The following CPA6 variants were observed in gnomAD, a reference collection of about 807,000 sequenced individuals.
CPA6 encodes carboxypeptidase B.
CPA6 carries 58 observed loss-of-function variants against 63.3 expected under a neutral mutation model. That is an observed-to-expected ratio of 0.92 (90% confidence interval 0.74 to 1.14). The LOEUF (loss-of-function observed/expected upper bound fraction) is 1.14. CPA6 is among the 50% of genes most tolerant of loss of function. The pLI is 0.00. For missense variants in CPA6, 565 were observed against 526.6 expected (o/e 1.07, Z -0.71); for synonymous variants, 185 against 179.0 (o/e 1.03, Z -0.27).
intron 1 of CPA6, among the ~76,000 whole-genome samples, chr8:67,635,827 G>A (rs1815456520): frequency 6.6e-6 from 1 of 151,600 alleles, no homozygotes; most frequent in African/African-American, 2.4e-5. Flanking sequence ...ATTGGTATAA[G>A]CCACACATGT....
intron 2 of CPA6, among the ~76,000 whole-genome samples, chr8:67,603,722 T>C (rs1814554484): frequency 1.3e-5 from 2 of 152,218 alleles, no homozygotes; most frequent in African/African-American, 4.8e-5. Context: ...ATTTTTCCCA[T>C]CTACCTTCCT....
intron 8 of CPA6, among the ~76,000 whole-genome samples, chr8:67,435,369 C>T (rs1810126752): frequency 6.6e-6 from 1 of 151,964 alleles, no homozygotes; most frequent in Non-Finnish European, 1.5e-5. Flanking sequence ...TTCTCGCCAT[C>T]CCTCCCCCCA....
intron 1 of CPA6, among the ~76,000 whole-genome samples, chr8:67,692,760 C>A (rs1484114605): frequency 1.2e-4 from 19 of 152,188 alleles, no homozygotes; most frequent in Admixed American, 1.2e-3. Context: ...ATTTCTTCAC[C>A]ATTAAATCAT....
At chr8:67,654,923 C>T (rs187165722) in intron 1 of CPA6, among the ~76,000 whole-genome samples, 1 of 152,286 alleles carries the variant, frequency 6.6e-6, no homozygotes, top group Non-Finnish European at 1.5e-5. Context: ...ATTGCTCGCT[C>T]TGAAACTTGA....
In CPA6 at chr8:67,682,966, C is replaced by T. The variant is rs142740012; in HGVS notation, c.117-58715G>A. Among the ~76,000 whole-genome samples, 7 of 152,364 alleles carry T rather than the reference C, an allele frequency of 4.6e-5. No individual in the cohort carries two copies. In the East Asian group the frequency reaches 1.4e-3, roughly 29 times the overall value. Reference sequence around the variant, plus strand: ...TTAGCCGGAAGACCTGGGTGATCCCCTGCAGATCTGCAGAATATTCTTTGT... The same window carrying T: ...TTAGCCGGAAGACCTGGGTGATCCCTTGCAGATCTGCAGAATATTCTTTGT... On this transcript the variant is annotated intron_variant, in intron 1 of 10. Transcript: ENST00000297770.
intron 1 of CPA6, among the ~76,000 whole-genome samples, chr8:67,692,923 A>G (rs1816841674): frequency 6.6e-6 from 1 of 152,236 alleles, no homozygotes; most frequent in Admixed American, 6.5e-5. Flanking sequence ...AGTCATACCC[A>G]TTAGCATAGA....
At chr8:67,535,117 G>T (rs1677132563) in intron 2 of CPA6, among the ~76,000 whole-genome samples, 1 of 152,152 alleles carries the variant, frequency 6.6e-6, no homozygotes, top group African/African-American at 2.4e-5. Context: ...ATCACTGATG[G>T]GCATTTGGGT....
intron 1 of CPA6, among the ~76,000 whole-genome samples, chr8:67,667,344 C>G (rs2128993761): frequency 6.6e-6 from 1 of 152,158 alleles, no homozygotes; most frequent in African/African-American, 2.4e-5. Context: ...CAGTTTAGCC[C>G]TTTAGCCCCC....
chr8:67,613,930 C>T (rs537769292), intron 2 of CPA6, among the ~76,000 whole-genome samples: 2 of 152,102 alleles, frequency 1.3e-5, no homozygotes, highest in African/African-American at 2.4e-5. Context: ...GAGAGGAGTT[C>T]GGCTGGTGGG....
chr8:67,530,268 T>C (rs1587527656), intron 2 of CPA6, among the ~76,000 whole-genome samples: 1 of 146,524 alleles, frequency 6.8e-6, no homozygotes, highest in Non-Finnish European at 1.5e-5. Context: ...ATTAAAAAAA[T>C]CATACAGATA....
chr8:67,477,677 TTGA>T (rs1383889442), intron 8 of CPA6, among the ~76,000 whole-genome samples: 1 of 152,168 alleles, frequency 6.6e-6, no homozygotes, highest in African/African-American at 2.4e-5. Flanking sequence ...GACCAGTTAG[TTGA>T]TGTTTAGTAC....
intron 2 of CPA6, among the ~76,000 whole-genome samples, chr8:67,579,184 G>A (rs921326801): frequency 1.2e-4 from 18 of 152,152 alleles, no homozygotes; most frequent in Admixed American, 6.5e-5. Context: ...GTCGAAGTAG[G>A]CGGATCACCT....
chr8:67,619,502 A>G lies in CPA6; in HGVS notation c.192+4674T>C, dbSNP rs75446275. On this transcript the variant is annotated intron_variant, in intron 2 of 10. Coordinates refer to ENST00000297770, the MANE Select transcript of CPA6 (RefSeq NM_020361.5). ...TAGGCAGAATTATAGTTGGGCATTGACCGGGGTGTGCTGATGTACTTCTAC... is the reference window on the plus strand; with the variant it reads ...TAGGCAGAATTATAGTTGGGCATTGGCCGGGGTGTGCTGATGTACTTCTAC... Among the ~76,000 whole-genome samples, 477 of 152,250 alleles carry G rather than the reference A, an allele frequency of 3.1e-3. 4 individuals are homozygous for G. The highest frequency in any genetic ancestry group is 0.011 in the African/African-American group (457 of 41,546).
At chr8:67,737,493 C>T (rs1817836244) in intron 1 of CPA6, among the ~76,000 whole-genome samples, 1 of 152,120 alleles carries the variant, frequency 6.6e-6, no homozygotes, top group Admixed American at 6.5e-5. Context: ...ACTTCTCTGG[C>T]CTTCTGTCCA....
At chr8:67,494,823 A>G (rs892858784) in intron 6 of CPA6, among the ~76,000 whole-genome samples, 12 of 152,230 alleles carry the variant, frequency 7.9e-5, no homozygotes, top group African/African-American at 1.2e-4. Flanking sequence ...ACAGACAAGA[A>G]AAGTACTTAC....
At chr8:67,447,069 CAT>C (rs1463900123) in intron 8 of CPA6, among the ~76,000 whole-genome samples, 2 of 142,504 alleles carry the variant, frequency 1.4e-5, no homozygotes, top group South Asian at 2.3e-4. Context: ...TATATACACA[CAT>C]ATATACACAT....
intron 2 of CPA6, among the ~76,000 whole-genome samples, chr8:67,585,170 T>C (rs924656055): frequency 5.9e-5 from 9 of 152,002 alleles, no homozygotes; most frequent in Non-Finnish European, 2.9e-5. Flanking sequence ...CGTTTGAAGC[T>C]TAGAGTTTGA....
intron 5 of CPA6, among the ~76,000 whole-genome samples, chr8:67,507,135 G>A (rs1280746279): frequency 2.6e-5 from 4 of 151,784 alleles, no homozygotes; most frequent in Admixed American, 2.0e-4. Context: ...CCCTAAATAG[G>A]TTGCTTCTTT....
At chr8:67,599,706 G>T (rs1814442629) in intron 2 of CPA6, among the ~76,000 whole-genome samples, 1 of 152,174 alleles carries the variant, frequency 6.6e-6, no homozygotes, top group South Asian at 2.1e-4. Context: ...AAAGGTTTAT[G>T]TTATTTTATT....
Sources: gnomAD v4.1 joint callset for allele counts (sites outside exome capture counted in the v4.1 genomes callset) on GRCh38, gnomAD v4.1.1 for gene constraint, MANE v1.5 for transcripts, NCBI Gene and HGNC (gene_info 2026-07-23, HGNC 2026-07-21) for gene names.